Variants in TIGAR observed in about 807,000 individuals in gnomAD.
TIGAR encodes the protein fructose-2,6-bisphosphatase TIGAR.
In TIGAR, 7 loss-of-function variants were observed where a neutral mutation model predicts 17.9. That is an observed-to-expected ratio of 0.39 (90% CI 0.22 to 0.73). The LOEUF is 0.73. Ranked by LOEUF, TIGAR falls within the 30% of genes least tolerant of loss-of-function variation. TIGAR has a pLI of 0.42. For missense variants in TIGAR, 258 were observed against 327.4 expected (o/e 0.79, Z 1.64); for synonymous variants, 94 against 108.6 (o/e 0.87, Z 0.84).
chr12:4,347,025 A>G (rs1364555980), intron 3 of TIGAR, among the ~76,000 whole-genome samples: 2 of 152,158 alleles, frequency 1.3e-5, no homozygotes, highest in South Asian at 2.1e-4. Context: ...TAGAGCTACC[A>G]TGTGATCCAG....
chr12:4,337,353 A>G (rs1345875931), intron 3 of TIGAR, among the ~76,000 whole-genome samples, 193 bp downstream of exon 3: 1 of 152,016 alleles, frequency 6.6e-6, no homozygotes, highest in East Asian at 1.9e-4. Context: ...TTTAGTAGAG[A>G]TGGGGTTTTG....
In TIGAR at chr12:4,333,561, C is replaced by T. The variant is rs376576040; in HGVS notation, c.70+2244C>T. ...CTCGGCTCCTGCAACCTCCACCTCC[C>T]GGGTTCAAGCGATTCTCCTGTCTCA... On this transcript the variant is annotated intron_variant, in intron 2 of 5. Coordinates refer to ENST00000179259, the MANE Select transcript of TIGAR (RefSeq NM_020375.3). Among the ~76,000 whole-genome samples, 96 of 152,272 alleles carry T rather than the reference C, an allele frequency of 6.3e-4. 3 individuals carry two copies. In the South Asian group the frequency reaches 0.012, roughly 19 times the overall value.
rs146638352 is a variant in TIGAR, at chr12:4,353,811, G to GTGACAGAGGGGA, written c.*1131_*1142dup. 6,347 of 150,688 alleles carry GTGACAGAGGGGA rather than the reference G, an allele frequency of 0.042. 459 individuals carry two copies. Among genetic ancestry groups the GTGACAGAGGGGA allele is most frequent in the East Asian group, 0.32 (1,501 of 4,732 alleles). The allele number at this position is 150,688 out of a possible 1,614,324, so 9.3% of individuals were successfully genotyped here. ...ATCGCACCACTTCACTCCAGCCTAG[G>GTGACAGAGGGGA]TGACAGAGGGGATGACAGAGGGTGC... On this transcript the variant is annotated 3_prime_UTR_variant, in exon 6 of 6. Coordinates refer to ENST00000179259, the MANE Select transcript of TIGAR (RefSeq NM_020375.3).
chr12:4,337,228 G>A, intron 3 of TIGAR, 68 bp downstream of exon 3: 4 of 1,247,534 alleles, frequency 3.2e-6, no homozygotes, highest in Non-Finnish European at 4.5e-6. Context: ...GTGCAGTGGT[G>A]CAGTCTCTGT....
At chr12:4,330,895 A>G (rs908031160) in intron 1 of TIGAR, among the ~76,000 whole-genome samples, 4 of 152,240 alleles carry the variant, frequency 2.6e-5, no homozygotes, top group Admixed American at 6.5e-5. Context: ...CAGTCCAGCA[A>G]TGAATAGACT....
At chr12:4,339,507 A>G (rs576626219) in intron 3 of TIGAR, among the ~76,000 whole-genome samples, 10 of 152,352 alleles carry the variant, frequency 6.6e-5, no homozygotes, top group African/African-American at 2.2e-4. Flanking sequence ...AAACTATTCC[A>G]TAAAATAGAG....
Position 4,356,240 on chromosome 12 carries a change from T to C in TIGAR, c.*3549T>C, listed in dbSNP as rs1208500922. 6.6e-6 allele frequency among the ~76,000 whole-genome samples: 1 copy of C among 152,204 alleles called. No homozygotes were observed. Among genetic ancestry groups the C allele is most frequent in the Non-Finnish European group, 1.5e-5 (1 of 68,028 alleles). ...AGGGACCAGGCCAGAGTGCCTCCAATGGCTAACTAAGGAGCCTGGACATTG... is the reference window on the plus strand; with the variant it reads ...AGGGACCAGGCCAGAGTGCCTCCAACGGCTAACTAAGGAGCCTGGACATTG... On this transcript the variant is annotated 3_prime_UTR_variant, in exon 6 of 6. Coordinates refer to ENST00000179259, the MANE Select transcript of TIGAR (RefSeq NM_020375.3).
chr12:4,356,774 G>A lies in TIGAR; in HGVS notation c.*4083G>A, dbSNP rs144949775. Among the ~76,000 whole-genome samples, 68 of 152,232 alleles carry A rather than the reference G, an allele frequency of 4.5e-4. No individual in the cohort carries two copies. The highest frequency in any genetic ancestry group is 6.8e-3 in the Middle Eastern group (2 of 294). ...ACCTTGTCTTGCCTGTTTCTGTTAG[G>A]TTTAGTCCGAGGCCTAGCAGAGGGA... On this transcript the variant is annotated 3_prime_UTR_variant, in exon 6 of 6. Transcript: ENST00000179259.
intron 1 of TIGAR, among the ~76,000 whole-genome samples, chr12:4,323,289 G>T (rs1417728197): frequency 6.6e-6 from 1 of 151,924 alleles, no homozygotes; most frequent in Non-Finnish European, 1.5e-5. Flanking sequence ...AGAAAAAAAA[G>T]AAAACTCAGA....
rs1864480112 is a variant in TIGAR, at chr12:4,321,736, GT to G, written c.32+436del. Among the ~76,000 whole-genome samples, 1 of 152,168 alleles carries G rather than the reference GT, an allele frequency of 6.6e-6. No individual in the cohort carries two copies. Among genetic ancestry groups the G allele is most frequent in the Non-Finnish European group, 1.5e-5 (1 of 68,028 alleles). ...CCGGCTGCCTTCCGCTATCCTCTCA[GT>G]TTCTGAGGTTCCCCCTCGTTTCCCC... On this transcript the variant is annotated intron_variant, in intron 1 of 5. Coordinates refer to ENST00000179259, the MANE Select transcript of TIGAR (RefSeq NM_020375.3). The surrounding 1 kb of genome is among the most constrained non-coding windows in gnomAD (Gnocchi z 5.2).
intron 1 of TIGAR, among the ~76,000 whole-genome samples, chr12:4,330,746 A>T (rs531797517): frequency 1.4e-4 from 22 of 152,324 alleles, no homozygotes; most frequent in African/African-American, 5.1e-4. Context: ...TTCAGTGTGC[A>T]GTTAGTTGGT....
At chr12:4,324,029 A>T (rs3900745) in intron 1 of TIGAR, among the ~76,000 whole-genome samples, 9 of 152,048 alleles carry the variant, frequency 5.9e-5, no homozygotes, top group Non-Finnish European at 1.0e-4. Flanking sequence ...GTTCAACAGA[A>T]CCTGTTAGGA....
chr12:4,357,979 C>T lies in TIGAR; in HGVS notation c.*5288C>T, dbSNP rs1017858060. On this transcript the variant is annotated 3_prime_UTR_variant, in exon 6 of 6. Transcript: ENST00000179259. ...ATTAGCCAGGCCTGGTGGCCGGCGC[C>T]TGTAGTCCCAGCTACTTGGGAGGCT... 3.9e-5 allele frequency among the ~76,000 whole-genome samples: 6 copies of T among 151,986 alleles called. No homozygotes were observed. The East Asian group carries it at 7.8e-4, about 20-fold the overall frequency.
chr12:4,350,837 A>G (rs1239870600), intron 4 of TIGAR, among the ~76,000 whole-genome samples: 2 of 152,042 alleles, frequency 1.3e-5, no homozygotes, highest in African/African-American at 2.4e-5. Context: ...CTGAAACTCA[A>G]CTTCCTTATA....
At position 4,345,183 on chromosome 12, in the gene TIGAR, C is replaced by T. The variant is rs1864766401; in HGVS notation, c.193-4636C>T. Among the ~76,000 whole-genome samples, 23 of 152,208 alleles carry T rather than the reference C, an allele frequency of 1.5e-4. No homozygotes were observed. The South Asian group carries it at 4.6e-3, about 30-fold the overall frequency. Reference sequence around the variant, plus strand: ...AATATCATGAAAATGGCCATACTGCCCAAGGTAATTTATAGATTCAATGCC... The same window carrying T: ...AATATCATGAAAATGGCCATACTGCTCAAGGTAATTTATAGATTCAATGCC... On this transcript the variant is annotated intron_variant, in intron 3 of 5. Coordinates refer to ENST00000179259, the MANE Select transcript of TIGAR (RefSeq NM_020375.3).
At chr12:4,336,962 A>T in intron 2 of TIGAR, 77 bp from the exon 3 acceptor site, 1 of 1,369,600 alleles carries the variant, frequency 7.3e-7, no homozygotes, top group Non-Finnish European at 9.6e-7. Context: ...AATGCAGCTT[A>T]TATTTTCTAC....
intron 2 of TIGAR, chr12:4,335,733 A>T (rs534008346): frequency 3.9e-5 from 6 of 152,300 alleles, no homozygotes; most frequent in Admixed American, 3.9e-4. Flanking sequence ...CATCGTTAGG[A>T]GTTCTCATTC....
rs1354335669 is a variant in TIGAR, at chr12:4,353,406, A to G, written c.*715A>G. 6.6e-6 allele frequency: 1 copy of G among 152,254 alleles called. No individual in the cohort carries two copies. Among genetic ancestry groups the G allele is most frequent in the African/African-American group, 2.4e-5 (1 of 41,468 alleles). The allele number at this position is 152,254 out of a possible 1,614,324, so 9.4% of individuals were successfully genotyped here. ...CAATGGAAACCAGGAAAGCCAAAAA[A>G]ATGAAGAATATCCACTTGCTTCTTA... On this transcript the variant is annotated 3_prime_UTR_variant, in exon 6 of 6. Transcript: ENST00000179259.
chr12:4,334,324 A>T (rs940536173), intron 2 of TIGAR, among the ~76,000 whole-genome samples: 1 of 152,154 alleles, frequency 6.6e-6, no homozygotes, highest in African/African-American at 2.4e-5. Context: ...CTCACATGGC[A>T]GAGAGATAGA....
Sources: allele counts gnomAD v4.1 joint callset (sites outside exome capture counted in the v4.1 genomes callset), GRCh38; gene constraint gnomAD v4.1.1; non-coding constraint Gnocchi (gnomAD v3.1); transcripts MANE v1.5; gene names NCBI Gene and HGNC (gene_info 2026-07-23, HGNC 2026-07-21).